LEPR: variants seen among roughly 807,000 people sequenced by gnomAD.
LEPR encodes the protein leptin receptor.
LEPR carries 56 observed loss-of-function variants against 114.7 expected under a neutral mutation model. The ratio of observed to expected loss-of-function variants is 0.49; its 90% CI spans 0.39 to 0.61. The LOEUF (loss-of-function observed/expected upper bound fraction) is 0.61. Ranked by LOEUF, LEPR falls within the 20% of genes least tolerant of loss-of-function variation. LEPR has a pLI of 0.00. For synonymous variants in LEPR, 443 were observed against 461.4 expected (o/e 0.96, Z 0.51); for missense variants, 1,202 against 1,352.9 (o/e 0.89, Z 1.75).
At chr1:65,474,887 A>G (rs1239765883) in intron 2 of LEPR, among the ~76,000 whole-genome samples, 1 of 151,534 alleles carries the variant, frequency 6.6e-6, no homozygotes, top group African/African-American at 2.4e-5. Flanking sequence ...TGCACCTGTA[A>G]TCCCAGCTAC....
chr1:65,589,946 A>G (rs1655575064), intron 5 of LEPR, among the ~76,000 whole-genome samples: 1 of 151,892 alleles, frequency 6.6e-6, no homozygotes, highest in South Asian at 2.1e-4. Context: ...CATCTTGTCA[A>G]TTTGTGTAAA....
At position 65,488,159 on chromosome 1, in the gene LEPR, C is replaced by CCTTT. The variant is rs71058410; in HGVS notation, c.-21+62832_-21+62835dup. On this transcript the variant is annotated intron_variant, in intron 2 of 19. Coordinates refer to ENST00000349533, the MANE Select transcript of LEPR (RefSeq NM_002303.6). ...CCTCCCTCTCCTTCCTTCCTTCCTT[C>CCTTT]CTTTCTTTCTTTCTTTCTTTCTTTC... is the stretch of plus-strand genomic sequence containing the variant. Among the ~76,000 whole-genome samples, 379 of 65,474 alleles carry CCTTT rather than the reference C, an allele frequency of 5.8e-3. 9 individuals carry two copies. The highest frequency in any genetic ancestry group is 0.025 in the Middle Eastern group (2 of 80). The allele number at this position is 65,474 out of a possible 152,430, so 43.0% of individuals were successfully genotyped here.
chr1:65,425,240 A>C, intron 1 of LEPR, 63 bp from the exon 2 acceptor site: 2 of 1,444,844 alleles, frequency 1.4e-6, no homozygotes, highest in Non-Finnish European at 1.9e-6. Context: ...CATTTCCCCA[A>C]ACCCTCTAGT....
intron 3 of LEPR, among the ~76,000 whole-genome samples, chr1:65,565,867 TCA>T (rs1450205320): frequency 3.5e-5 from 5 of 141,336 alleles, no homozygotes; most frequent in Non-Finnish European, 6.3e-5. Context: ...ACACACAGAC[TCA>T]CACACACAGA....
intron 8 of LEPR, among the ~76,000 whole-genome samples, chr1:65,599,026 C>A (rs180706969): frequency 1.3e-5 from 2 of 151,954 alleles, no homozygotes; most frequent in Non-Finnish European, 2.9e-5. Context: ...GATCACTTTT[C>A]CTATTAAAAA....
At chr1:65,423,145 G>A (rs1178730528) in intron 1 of LEPR, among the ~76,000 whole-genome samples, 4 of 152,162 alleles carry the variant, frequency 2.6e-5, no homozygotes, top group Admixed American at 6.5e-5. Context: ...GGTTCTTGTT[G>A]GCGGTCAAGG....
chr1:65,488,137 C>T (rs1254458589), intron 2 of LEPR, among the ~76,000 whole-genome samples: 7 of 124,452 alleles, frequency 5.6e-5, no homozygotes, highest in South Asian at 5.5e-4. Flanking sequence ...TTCCCTCCCT[C>T]CCTCTCCTTC....
At chr1:65,474,303 G>T (rs770665870) in intron 2 of LEPR, among the ~76,000 whole-genome samples, 23 of 152,188 alleles carry the variant, frequency 1.5e-4, no homozygotes, top group African/African-American at 5.5e-4. Context: ...CTCAGCACTA[G>T]CCTTTCCCCA....
chr1:65,502,690 T>G (rs1322667954), intron 2 of LEPR, among the ~76,000 whole-genome samples: 1 of 152,104 alleles, frequency 6.6e-6, no homozygotes, highest in South Asian at 2.1e-4. Flanking sequence ...GCCTTCATTG[T>G]GAGGCTGAAA....
intron 16 of LEPR, among the ~76,000 whole-genome samples, 192 bp downstream of exon 16, chr1:65,618,338 T>TCTCTTC (rs1657660367): frequency 1.5e-5 from 2 of 132,448 alleles, no homozygotes; most frequent in East Asian, 7.8e-4. Context: ...CTCTTTTCTT[T>TCTCTTC]TCTTTTCGGC....
chr1:65,595,803 T>G (rs1307380057), intron 6 of LEPR, among the ~76,000 whole-genome samples: 1 of 152,146 alleles, frequency 6.6e-6, no homozygotes, highest in East Asian at 1.9e-4. Flanking sequence ...CTTTATATTT[T>G]AACTATATCA....
At chr1:65,422,826 C>T (rs185306637) in intron 1 of LEPR, among the ~76,000 whole-genome samples, 23 of 152,300 alleles carry the variant, frequency 1.5e-4, no homozygotes, top group African/African-American at 5.1e-4. Flanking sequence ...GGTGAGCCTC[C>T]GTGCCAGAAC....
chr1:65,486,349 T>C (rs1434182413), intron 2 of LEPR: 1 of 152,100 alleles, frequency 6.6e-6, no homozygotes, highest in East Asian at 1.9e-4. Context: ...CTCATTAAAT[T>C]TCTTGATGAA....
At chr1:65,568,717 A>G (rs1209258373) in intron 3 of LEPR, among the ~76,000 whole-genome samples, 2 of 146,890 alleles carry the variant, frequency 1.4e-5, no homozygotes, top group Non-Finnish European at 3.0e-5. Flanking sequence ...ATTGAATGAT[A>G]GTTCTACTTT....
chr1:65,583,036 G>GA (rs34090959), intron 5 of LEPR, among the ~76,000 whole-genome samples: 46,911 of 151,948 alleles, frequency 0.31, 8,123 homozygotes, highest in East Asian at 0.83. Context: ...TAGAAAACTG[G>GA]AAAAAATGTA....
At chr1:65,509,132 A>G (rs1315029394) in intron 2 of LEPR, among the ~76,000 whole-genome samples, 1 of 152,156 alleles carries the variant, frequency 6.6e-6, no homozygotes. Flanking sequence ...GTCATCAGCA[A>G]AAAGAGATAA....
Position 65,604,921 on chromosome 1 carries a change from TC to T in LEPR, c.1404-114del, listed in dbSNP as rs1315673440. 2.4e-6 allele frequency: 3 copies of T among 1,270,884 alleles called. No homozygotes were observed. In the East Asian group the frequency reaches 7.3e-5, roughly 31 times the overall value. 78.7% of individuals were successfully genotyped at this position (1,270,884 alleles called of 1,614,324 possible). A position where few individuals can be genotyped will look rare whatever the true frequency, so the allele number is the denominator to read the frequency against. On this transcript the variant is annotated intron_variant, in intron 10 of 19. Transcript: ENST00000349533. The stretch of plus-strand genomic sequence containing the variant: ...GAAAAATTGTCTTCCATGAAACCGG[TC>T]CCTGGTGCCAAAAAGGTTGGGGACT...
At chr1:65,547,514 C>G (rs1158799338) in intron 2 of LEPR, among the ~76,000 whole-genome samples, 1 of 151,908 alleles carries the variant, frequency 6.6e-6, no homozygotes, top group East Asian at 1.9e-4. Context: ...AGAGATTCAA[C>G]TTCTTCCTGA....
chr1:65,539,099 A>G (rs573853629), intron 2 of LEPR, among the ~76,000 whole-genome samples: 2 of 131,618 alleles, frequency 1.5e-5, no homozygotes, highest in African/African-American at 5.9e-5. Flanking sequence ...AATGTTAATT[A>G]TGCATTTTTT....
Sources: gnomAD v4.1 joint callset for allele counts (sites outside exome capture counted in the v4.1 genomes callset) on GRCh38, gnomAD v4.1.1 for gene constraint, MANE v1.5 for transcripts, NCBI Gene and HGNC (gene_info 2026-07-23, HGNC 2026-07-21) for gene names.